RIF1: variants seen among roughly 807,000 people sequenced by gnomAD.
The protein encoded by RIF1 is telomere-associated protein RIF1.
Under a neutral mutation model 247.1 loss-of-function variants are expected in RIF1, and 45 were observed. The observed-to-expected ratio is 0.18, with a 90% CI of 0.14 to 0.23. The LOEUF is 0.23. Ranked by LOEUF, RIF1 falls within the 10% of genes least tolerant of loss-of-function variation. RIF1 has a pLI of 1.00. For synonymous variants in RIF1, 1,087 were observed against 978.8 expected (o/e 1.11, Z -2.06); for missense variants, 2,967 against 2,862.5 (o/e 1.04, Z -0.83).
At chr2:151,440,677 T>C (rs1692128332) in intron 15 of RIF1, among the ~76,000 whole-genome samples, 1 of 152,222 alleles carries the variant, frequency 6.6e-6, no homozygotes, top group South Asian at 2.1e-4. Flanking sequence ...TTACTTGTTC[T>C]GTAGCAGTAT....
chr2:151,481,630 A>AT lies in RIF1; in HGVS notation c.*6562dup, dbSNP rs1329351357. The AT allele has an allele frequency of 6.6e-6, 1 of 152,250 alleles. No individual in the cohort carries two copies. Among genetic ancestry groups the AT allele is most frequent in the African/African-American group, 2.4e-5 (1 of 41,468 alleles). 9.4% of individuals were successfully genotyped at this position (152,250 alleles called of 1,614,324 possible). A position where few individuals can be genotyped will look rare whatever the true frequency, so the allele number is the denominator to read the frequency against. ...TTGTATTTGATAAGTCTTAAAAATG[A>AT]TTTAAGTTGAAGCCTAACAGAAGTA... On this transcript the variant is annotated 3_prime_UTR_variant, in exon 36 of 36. Coordinates refer to ENST00000444746, the MANE Select transcript of RIF1 (RefSeq NM_018151.5).
chr2:151,470,774 A>T (rs913841046), intron 34 of RIF1, among the ~76,000 whole-genome samples: 2 of 152,168 alleles, frequency 1.3e-5, no homozygotes, highest in Admixed American at 6.6e-5. Flanking sequence ...TCTTCTAAAC[A>T]TTCATTAACT....
At chr2:151,437,036 C>A (rs751438094) in intron 12 of RIF1, 33 bp downstream of exon 12, 1 of 1,560,012 alleles carries the variant, frequency 6.4e-7, no homozygotes, top group Non-Finnish European at 8.7e-7. Flanking sequence ...ATTTTAATTA[C>A]TAAAACAGTC....
chr2:151,411,551 C>T (rs914783776), intron 3 of RIF1, among the ~76,000 whole-genome samples: 2 of 151,994 alleles, frequency 1.3e-5, no homozygotes, highest in Admixed American at 6.6e-5. Context: ...TATAGGCATC[C>T]GCCACCGCCC....
intron 2 of RIF1, among the ~76,000 whole-genome samples, chr2:151,410,836 C>T (rs1459413319): frequency 1.3e-5 from 2 of 149,150 alleles, no homozygotes; most frequent in African/African-American, 2.5e-5. Context: ...TGTAAACCTC[C>T]GATGTGTTGG....
At chr2:151,418,935 C>T in intron 6 of RIF1, among the ~76,000 whole-genome samples, 1 of 150,776 alleles carries the variant, frequency 6.6e-6, no homozygotes, top group African/African-American at 2.4e-5. Context: ...CATATTTTCC[C>T]TCGTTAGATC....
At chr2:151,422,073 G>A (rs1688278219) in intron 7 of RIF1, among the ~76,000 whole-genome samples, 2 of 151,790 alleles carry the variant, frequency 1.3e-5, no homozygotes, top group South Asian at 2.1e-4. Flanking sequence ...CTTGTGATCC[G>A]CCCGCCTCGG....
downstream of RIF1, chr2:151,482,278 G>A (rs2049201691): frequency 6.6e-6 from 1 of 152,186 alleles, no homozygotes; most frequent in African/African-American, 2.4e-5. Flanking sequence ...CAAAGTGTAT[G>A]TTATATTCCT....
In RIF1 at chr2:151,465,983, C is replaced by T. The variant is rs1359150380; in HGVS notation, c.6463C>T (p.Leu2155Phe). 10 of 1,613,766 alleles carry T rather than the reference C, an allele frequency of 6.2e-6. No homozygotes were observed. The highest frequency in any genetic ancestry group is 8.5e-6 in the Non-Finnish European group (10 of 1,179,778). ...AAAACTAAGGGAACTTGATCCTTCA[C>T]TTGTGTCAGCAAATGACAGTCCTAG... ...PQKLRELDPS[L>F]VSANDSPSGM... Residue 2155 changes from leucine to phenylalanine, a missense_variant, in exon 30 of 36, where the codon CTT becomes TTT. Physicochemically the swap from Leu to Phe is conservative, Grantham distance 22. Transcript: ENST00000444746.
chr2:151,455,286 A>G, intron 22 of RIF1, 127 bp downstream of exon 22: 1 of 613,464 alleles, frequency 1.6e-6, no homozygotes, highest in Non-Finnish European at 2.7e-6. Flanking sequence ...AGGATAATAA[A>G]CTACACTTTT....
intron 11 of RIF1, among the ~76,000 whole-genome samples, chr2:151,502,418 T>C (rs7419956): frequency 0.64 from 97,023 of 151,204 alleles, 31,441 homozygotes; most frequent in East Asian, 0.77. Context: ...GCTGCAAACA[T>C]AAAGAATACA....
intron 11 of RIF1, among the ~76,000 whole-genome samples, chr2:151,500,593 CTTTTTTTTTT>C (rs11428843): frequency 3.4e-5 from 4 of 118,458 alleles, no homozygotes; most frequent in African/African-American, 6.1e-5. Flanking sequence ...TTCTTTCTTC[CTTTTTTTTTT>C]TTTTTTTTTT....
At chr2:151,513,433 T>A in the RIF1 span, 2 of 632,086 alleles carry the variant, frequency 3.2e-6, no homozygotes, top group Admixed American at 5.8e-5. Context: ...CATCCTTTCA[T>A]TGGGATGGCT....
intron 8 of RIF1, among the ~76,000 whole-genome samples, chr2:151,425,698 A>T: frequency 1.1e-5 from 1 of 94,472 alleles, no homozygotes; most frequent in Non-Finnish European, 1.9e-5. Context: ...ACAGAGTCTT[A>T]CTCTGTTGCC....
rs772083580 is a variant in RIF1 at position 151,499,368 on chromosome 2, C to T, written c.*537C>T. On this transcript the variant is annotated 3_prime_UTR_variant and NMD_transcript_variant, in exon 11 of 14. Coordinates refer to the RIF1 transcript ENST00000454583. ...AGTGATGGGGATTGGAATCCCTTTTCCAACGTTTTCTTTATACAACACCTG... is the reference window on the plus strand; with the variant it reads ...AGTGATGGGGATTGGAATCCCTTTTTCAACGTTTTCTTTATACAACACCTG... The T allele has an allele frequency of 9.7e-6, 15 of 1,544,662 alleles. No individual in the cohort carries two copies. The South Asian group carries it at 1.7e-4, about 17-fold the overall frequency.
chr2:151,533,570 G>T, the RIF1 span: 1 of 1,444,650 alleles, frequency 6.9e-7, no homozygotes, highest in Non-Finnish European at 9.5e-7. Context: ...GAGCAGTGAA[G>T]CACAAAAGAG....
At chr2:151,429,785 A>G (rs915348346) in intron 9 of RIF1, among the ~76,000 whole-genome samples, 11 of 152,134 alleles carry the variant, frequency 7.2e-5, no homozygotes, top group Non-Finnish European at 1.2e-4. Flanking sequence ...TTATTGTTCA[A>G]TGGAGTTTTC....
In RIF1 at chr2:151,463,023, GTAA is replaced by G. The variant is rs1212192197; in HGVS notation, c.3508_3510del (p.Asn1170del). 6 of 1,613,736 alleles carry G rather than the reference GTAA, an allele frequency of 3.7e-6. No individual in the cohort carries two copies. The highest frequency in any genetic ancestry group is 3.3e-5 in the Admixed American group (2 of 59,984). ...AAAACCAGTCCAGAAATGTCAAACA[GTAA>G]TAATGATGAAAGAAAAAAAGCTTTA... is the stretch of plus-strand genomic sequence containing the variant. On this transcript the variant is annotated inframe_deletion, in exon 30 of 36. Transcript: ENST00000444746.
In RIF1 at chr2:151,457,869, C is replaced by G; in HGVS notation, c.2761C>G (p.Leu921Val). 6.2e-7 allele frequency: 1 copy of G among 1,613,402 alleles called. No individual in the cohort carries two copies. Among genetic ancestry groups the G allele is most frequent in the East Asian group, 2.2e-5 (1 of 44,810 alleles). ...CTCCCCACTATTATGCATAATATTT[C>G]TGCACAAGAATAAACAGATTCGAAA... The part of the protein sequence containing the change: ...QLSPLLCIIF[L>V]HKNKQIRKQS... Residue 921 changes from leucine (L) to valine (V), a missense_variant, in exon 24 of 36, where the codon CTG becomes GTG. Physicochemically the swap from Leu to Val is conservative, Grantham distance 32. Coordinates refer to ENST00000444746, the MANE Select transcript of RIF1 (RefSeq NM_018151.5).
Sources: gnomAD v4.1 joint callset for allele counts (sites outside exome capture counted in the v4.1 genomes callset) on GRCh38, gnomAD v4.1.1 for gene constraint, MANE v1.5 for transcripts, NCBI Gene and HGNC (gene_info 2026-07-23, HGNC 2026-07-21) for gene names.